SPIDR: variants seen among roughly 807,000 people sequenced by gnomAD.
SPIDR encodes scaffold protein involved in DNA repair.
In SPIDR, 93 loss-of-function variants were observed where a neutral mutation model predicts 104.6. The observed-to-expected ratio is 0.89, with a 90% CI of 0.75 to 1.06. SPIDR has a LOEUF of 1.06. Ranked by LOEUF, SPIDR falls within the 50% of genes least tolerant of loss-of-function variation. SPIDR has a pLI of 0.00. For missense variants in SPIDR, 1,154 were observed against 1,111.2 expected (o/e 1.04, Z -0.55); for synonymous variants, 431 against 416.9 (o/e 1.03, Z -0.41).
intron 5 of SPIDR, among the ~76,000 whole-genome samples, chr8:47,345,787 T>C (rs2051848330): frequency 6.6e-6 from 1 of 152,202 alleles, no homozygotes. Context: ...TGTATAGGAA[T>C]GCTTGTGATT....
intron 8 of SPIDR, among the ~76,000 whole-genome samples, chr8:47,473,334 A>G (rs1554722062): frequency 6.6e-6 from 1 of 152,114 alleles, no homozygotes; most frequent in African/African-American, 2.4e-5. Flanking sequence ...TTTCAACATA[A>G]TCTATAAGCT....
intron 5 of SPIDR, among the ~76,000 whole-genome samples, chr8:47,324,276 T>C (rs2047281327): frequency 6.6e-6 from 1 of 152,172 alleles, no homozygotes; most frequent in African/African-American, 2.4e-5. Context: ...TTCTTAACCT[T>C]GTTTTCTTAG....
intron 8 of SPIDR, among the ~76,000 whole-genome samples, chr8:47,516,088 C>T (rs949040839): frequency 2.0e-5 from 3 of 152,200 alleles, no homozygotes; most frequent in Non-Finnish European, 4.4e-5. Flanking sequence ...GGATTACAGG[C>T]GTGAGCCACT....
intron 8 of SPIDR, among the ~76,000 whole-genome samples, chr8:47,550,244 T>A (rs2090215586): frequency 6.6e-6 from 1 of 152,232 alleles, no homozygotes; most frequent in African/African-American, 2.4e-5. Context: ...GTCTTTGCTA[T>A]GCAGGCTCCT....
intron 7 of SPIDR, among the ~76,000 whole-genome samples, chr8:47,416,794 G>A (rs2064384544): frequency 6.7e-6 from 1 of 149,598 alleles, no homozygotes; most frequent in African/African-American, 2.5e-5. Context: ...ACCCACAACA[G>A]GCCCTGGTGT....
At chr8:47,376,005 A>G (rs1554642133) in intron 5 of SPIDR, among the ~76,000 whole-genome samples, 1 of 152,132 alleles carries the variant, frequency 6.6e-6, no homozygotes, top group Non-Finnish European at 1.5e-5. Flanking sequence ...ATTTTACATG[A>G]CCTTAGGATA....
chr8:47,422,592 G>A (rs777722806), intron 7 of SPIDR, among the ~76,000 whole-genome samples: 4 of 152,168 alleles, frequency 2.6e-5, no homozygotes, highest in Non-Finnish European at 4.4e-5. Context: ...TTCGGCTCAC[G>A]CTCTTTGTGC....
At position 47,398,698 on chromosome 8, in the gene SPIDR, G is replaced by A. The variant is rs116875457; in HGVS notation, c.776+2072G>A. Among the ~76,000 whole-genome samples, 225 of 152,320 alleles carry A rather than the reference G, an allele frequency of 1.5e-3. 5 individuals carry two copies. In the East Asian group the frequency reaches 0.031, roughly 21 times the overall value. ...GGCCTGGCGTTGGAGATGTGAATGC[G>A]TAGACTGCAGTGTCCAGATCTTTTG... is the stretch of plus-strand genomic sequence containing the variant. On this transcript the variant is annotated intron_variant, in intron 6 of 19. Coordinates refer to ENST00000297423, the MANE Select transcript of SPIDR (RefSeq NM_001080394.4).
chr8:47,378,869 T>C lies in SPIDR; in HGVS notation c.526-17507T>C, dbSNP rs141380521. 2.7e-3 allele frequency among the ~76,000 whole-genome samples: 411 copies of C among 152,320 alleles called. 1 individual carries two copies. The highest frequency in any genetic ancestry group is 4.7e-3 in the Non-Finnish European group (323 of 68,032). ...TGAAATAATTGCTAGTAGATTTGCTTTACAGTTGAGTGTTTTGAGCTCTCA... is the reference window on the plus strand; with the variant it reads ...TGAAATAATTGCTAGTAGATTTGCTCTACAGTTGAGTGTTTTGAGCTCTCA... On this transcript the variant is annotated intron_variant, in intron 5 of 19. Transcript: ENST00000297423.
chr8:47,452,707 T>C (rs1269506486), intron 8 of SPIDR, among the ~76,000 whole-genome samples: 3 of 152,220 alleles, frequency 2.0e-5, no homozygotes, highest in African/African-American at 7.2e-5. Context: ...TGATGGGACG[T>C]ATCTCAAAAT....
intron 5 of SPIDR, among the ~76,000 whole-genome samples, chr8:47,299,679 A>G (rs1346466028): frequency 6.6e-6 from 1 of 152,140 alleles, no homozygotes; most frequent in African/African-American, 2.4e-5. Context: ...GAATTTTGTC[A>G]AAGGCCTTTT....
At chr8:47,574,770 G>A (rs910830114) in intron 8 of SPIDR, among the ~76,000 whole-genome samples, 2 of 151,900 alleles carry the variant, frequency 1.3e-5, no homozygotes, top group Non-Finnish European at 2.9e-5. Flanking sequence ...GGGGAGGGGA[G>A]GGGAGGGGAG....
At chr8:47,326,448 A>G (rs2047681870) in intron 5 of SPIDR, among the ~76,000 whole-genome samples, 1 of 152,222 alleles carries the variant, frequency 6.6e-6, no homozygotes, top group South Asian at 2.1e-4. Flanking sequence ...TAAAAATTTT[A>G]CTTTATTGAG....
At chr8:47,353,188 A>G (rs1040031805) in intron 5 of SPIDR, among the ~76,000 whole-genome samples, 2 of 152,144 alleles carry the variant, frequency 1.3e-5, no homozygotes, top group African/African-American at 4.8e-5. Context: ...AATAATTAAA[A>G]TCGTATTTTT....
intron 7 of SPIDR, among the ~76,000 whole-genome samples, chr8:47,418,419 C>G (rs2064779742): frequency 6.6e-6 from 1 of 151,880 alleles, no homozygotes; most frequent in Non-Finnish European, 1.5e-5. Context: ...ATGTGGCTCT[C>G]TGTTTGTTAT....
At chr8:47,385,810 T>TTTG (rs1157578380) in intron 5 of SPIDR, among the ~76,000 whole-genome samples, 1 of 152,182 alleles carries the variant, frequency 6.6e-6, no homozygotes, top group Non-Finnish European at 1.5e-5. Flanking sequence ...TTTGTCCTCT[T>TTTG]TTGTTGTTGT....
intron 8 of SPIDR, among the ~76,000 whole-genome samples, chr8:47,453,467 T>C (rs1383165107): frequency 1.3e-5 from 2 of 152,130 alleles, no homozygotes; most frequent in Non-Finnish European, 2.9e-5. Flanking sequence ...CTTCAAACTA[T>C]ACTACAAGGC....
At chr8:47,403,655 G>C (rs2062254733) in intron 6 of SPIDR, among the ~76,000 whole-genome samples, 1 of 152,100 alleles carries the variant, frequency 6.6e-6, no homozygotes, top group Admixed American at 6.6e-5. Context: ...GGGATGTGAA[G>C]GACCTCTTCA....
At chr8:47,449,221 C>CT (rs2071249744) in intron 8 of SPIDR, among the ~76,000 whole-genome samples, 1 of 152,132 alleles carries the variant, frequency 6.6e-6, no homozygotes, top group South Asian at 2.1e-4. Context: ...AGGAAGACAA[C>CT]TAAGTCTTTG....
Sources: allele counts gnomAD v4.1 joint callset (sites outside exome capture counted in the v4.1 genomes callset), GRCh38; gene constraint gnomAD v4.1.1; transcripts MANE v1.5; gene names NCBI Gene and HGNC (gene_info 2026-07-23, HGNC 2026-07-21).